RGS21: variants seen among roughly 807,000 people sequenced by gnomAD.
RGS21 encodes regulator of G protein signaling 21, also known as regulator of G-protein signalling 21.
RGS21 carries 19 observed loss-of-function variants against 18.7 expected under a neutral mutation model. The observed-to-expected ratio is 1.01, with a 90% CI of 0.71 to 1.49. The LOEUF (loss-of-function observed/expected upper bound fraction) is 1.49. RGS21 is among the 40% of genes most tolerant of loss of function. RGS21 has a pLI of 0.00. For synonymous variants in RGS21, 56 were observed against 57.8 expected (o/e 0.97, Z 0.14); for missense variants, 194 against 176.8 (o/e 1.10, Z -0.55).
intron 1 of RGS21, among the ~76,000 whole-genome samples, chr1:192,336,344 A>G (rs1658767380): frequency 6.6e-6 from 1 of 152,186 alleles, no homozygotes; most frequent in Non-Finnish European, 1.5e-5. Flanking sequence ...AATCTCAGCT[A>G]GTTGGAAGGC....
At chr1:192,362,294 T>C (rs992440344) in intron 4 of RGS21, among the ~76,000 whole-genome samples, 4 of 152,138 alleles carry the variant, frequency 2.6e-5, no homozygotes, top group Non-Finnish European at 1.5e-5. Context: ...GGAAAGATAC[T>C]GTAAAAAGAG....
chr1:192,333,628 CAAAAAAAA>C lies in RGS21; in HGVS notation c.-60-9328_-60-9321del, dbSNP rs376989840. On this transcript the variant is annotated intron_variant, in intron 1 of 4. Transcript: ENST00000417209. ...TATTTTTATAATATTCTCAAAATGA[CAAAAAAAA>C]AAAAAAAAAAAAAAAAAAAAGAGAT... Among the ~76,000 whole-genome samples, 239 of 102,408 alleles carry C rather than the reference CAAAAAAAA, an allele frequency of 2.3e-3. 2 individuals carry two copies. Among genetic ancestry groups the C allele is most frequent in the Middle Eastern group, 5.7e-3 (1 of 174 alleles). 67.2% of individuals were successfully genotyped at this position (102,408 alleles called of 152,430 possible). A position where few individuals can be genotyped will look rare whatever the true frequency, so the allele number is the denominator to read the frequency against.
intron 4 of RGS21, among the ~76,000 whole-genome samples, chr1:192,360,803 T>A (rs1388125218): frequency 6.6e-6 from 1 of 152,156 alleles, no homozygotes; most frequent in Admixed American, 6.6e-5. Context: ...CTTTTTAATA[T>A]TTCATAGTCA....
At chr1:192,330,254 A>G (rs780845603) in intron 1 of RGS21, among the ~76,000 whole-genome samples, 19 of 152,250 alleles carry the variant, frequency 1.2e-4, no homozygotes, top group Non-Finnish European at 2.4e-4. Flanking sequence ...TGTGGATCAG[A>G]GATGGGAAAT....
rs1659056230 is a variant in RGS21 at position 192,352,332 on chromosome 1, T to C, written c.255+119T>C. 3 of 632,552 alleles carry C rather than the reference T, an allele frequency of 4.7e-6. No homozygotes were observed. In the East Asian group the frequency reaches 9.7e-5, roughly 20 times the overall value. The allele number at this position is 632,552 out of a possible 1,614,324, so 39.2% of individuals were successfully genotyped here. A position where few individuals can be genotyped will look rare whatever the true frequency, so the allele number is the denominator to read the frequency against. ...TCTCAGTATGTGTTTAAATAGAAAA[T>C]GTCAGTAGATTCCAAGAGAAATTCC... On this transcript the variant is annotated intron_variant, in intron 4 of 4. Coordinates refer to ENST00000417209, the MANE Select transcript of RGS21 (RefSeq NM_001039152.3).
rs1659254442 is a variant in RGS21, at chr1:192,366,006, TA to T, written c.343del (p.Ile115SerfsTer14). 1.9e-6 allele frequency: 3 copies of T among 1,609,306 alleles called. No homozygotes were observed. Among genetic ancestry groups the T allele is most frequent in the Non-Finnish European group, 2.6e-6 (3 of 1,176,250 alleles). ...AAATGCTTTGATGAGGCTCAGAAATTAATCTATTGTCTCATGGCCAAGGATT... is the reference window on the plus strand; with the variant it reads ...AAATGCTTTGATGAGGCTCAGAAATTATCTATTGTCTCATGGCCAAGGATT... The part of the protein sequence containing the change: ...TLKCFDEAQK[L>X]IYCLMAKDSF... On this transcript the variant is annotated frameshift_variant, in exon 5 of 5. Coordinates refer to ENST00000417209, the MANE Select transcript of RGS21 (RefSeq NM_001039152.3). LOFTEE classifies it high-confidence loss of function.
At chr1:192,321,204 C>A (rs1221536371) in intron 1 of RGS21, among the ~76,000 whole-genome samples, 4 of 151,390 alleles carry the variant, frequency 2.6e-5, no homozygotes, top group African/African-American at 9.7e-5. Context: ...TCTATTCGAC[C>A]CCATTTTTTC....
At chr1:192,343,334 C>T (rs901319557) in intron 2 of RGS21, among the ~76,000 whole-genome samples, 4 of 151,922 alleles carry the variant, frequency 2.6e-5, no homozygotes, top group African/African-American at 9.7e-5. Flanking sequence ...GAATTAGAGA[C>T]ATAACATATA....
intron 1 of RGS21, among the ~76,000 whole-genome samples, chr1:192,336,212 T>C (rs979240400): frequency 3.9e-5 from 6 of 152,268 alleles, no homozygotes; most frequent in South Asian, 2.1e-4. Flanking sequence ...CCCAGCTCTT[T>C]GAGAGACCGA....
At chr1:192,356,679 G>A (rs1024065502) in intron 4 of RGS21, among the ~76,000 whole-genome samples, 1 of 151,702 alleles carries the variant, frequency 6.6e-6, no homozygotes, top group Non-Finnish European at 1.5e-5. Flanking sequence ...AAAAGCCCAT[G>A]AAAATAGGCA....
intron 1 of RGS21, among the ~76,000 whole-genome samples, chr1:192,322,850 G>A (rs1029340234): frequency 2.6e-5 from 4 of 152,104 alleles, no homozygotes; most frequent in African/African-American, 7.2e-5. Flanking sequence ...ATTGGATTCT[G>A]AAGTAGAAAG....
At chr1:192,351,135 G>A (rs1051312402) in intron 3 of RGS21, among the ~76,000 whole-genome samples, 5 of 152,104 alleles carry the variant, frequency 3.3e-5, no homozygotes, top group African/African-American at 1.2e-4. Flanking sequence ...CTGGGAGGAG[G>A]AGGAAAACAC....
intron 4 of RGS21, among the ~76,000 whole-genome samples, chr1:192,354,704 A>G (rs1049829266): frequency 2.6e-5 from 4 of 151,784 alleles, no homozygotes; most frequent in African/African-American, 7.2e-5. Context: ...GTTATATAAC[A>G]GACTCTTATA....
At chr1:192,320,499 A>AATGTGT (rs371189320) in intron 1 of RGS21, among the ~76,000 whole-genome samples, 26 of 115,200 alleles carry the variant, frequency 2.3e-4, no homozygotes, top group East Asian at 8.7e-4. Flanking sequence ...AATGTAAAGG[A>AATGTGT]ATGTGTATGT....
At chr1:192,344,395 A>G (rs1400227355) in intron 2 of RGS21, among the ~76,000 whole-genome samples, 1 of 152,114 alleles carries the variant, frequency 6.6e-6, no homozygotes, top group Non-Finnish European at 1.5e-5. Flanking sequence ...CTGTCTGTGG[A>G]ATATTGCACT....
In RGS21 at chr1:192,321,063, A is replaced by G. The variant is rs1480063511; in HGVS notation, c.-61+3958A>G. ...ATTTTGAATTTGAATTTTCAGTTTA[A>G]TGAAGAAATATCCTAATATTTAAAT... is the stretch of plus-strand genomic sequence containing the variant. On this transcript the variant is annotated intron_variant, in intron 1 of 4. Transcript: ENST00000417209. Among the ~76,000 whole-genome samples, 6 of 151,934 alleles carry G rather than the reference A, an allele frequency of 3.9e-5. 1 individual carries two copies. The highest frequency in any genetic ancestry group is 8.8e-5 in the Non-Finnish European group (6 of 67,902).
Position 192,365,974 on chromosome 1 carries a change from A to T in RGS21, c.309A>T (p.Pro103=). The change falls in exon 5 of 5, where the codon CCA becomes CCT. Residue 103 remains proline, a synonymous_variant. Transcript: ENST00000417209. ...RDLISKNIAE[P]TLKCFDEAQK... ...TCATCTCAAAGAATATTGCTGAACC[A>T]ACACTCAAATGCTTTGATGAGGCTC... The T allele has an allele frequency of 6.2e-7, 1 of 1,610,906 alleles. No individual in the cohort carries two copies. Among genetic ancestry groups the T allele is most frequent in the Middle Eastern group, 1.7e-4 (1 of 6,040 alleles).
chr1:192,342,938 A>C (rs968139729), intron 1 of RGS21, 39 bp from the exon 2 acceptor site: 4 of 1,189,754 alleles, frequency 3.4e-6, no homozygotes, highest in East Asian at 4.7e-5. Context: ...AGGTATTCGC[A>C]TACTAATTGT....
chr1:192,329,158 C>T (rs2102223977), intron 1 of RGS21, among the ~76,000 whole-genome samples: 1 of 151,964 alleles, frequency 6.6e-6, no homozygotes, highest in East Asian at 1.9e-4. Context: ...TTTTAGTGGC[C>T]AATATTGTCA....
Sources: gnomAD v4.1 joint callset for allele counts (sites outside exome capture counted in the v4.1 genomes callset) on GRCh38, gnomAD v4.1.1 for gene constraint, MANE v1.5 for transcripts, NCBI Gene and HGNC (gene_info 2026-07-23, HGNC 2026-07-21) for gene names.